The following GRXCR1 variants were observed in gnomAD, a reference collection of about 807,000 sequenced individuals.
GRXCR1 encodes glutaredoxin domain-containing cysteine-rich protein 1.
GRXCR1 carries 27 observed loss-of-function variants against 27.3 expected under a neutral mutation model. The ratio of observed to expected loss-of-function variants is 0.99; its 90% confidence interval spans 0.73 to 1.37. GRXCR1 has a LOEUF of 1.37. Ranked by LOEUF, GRXCR1 falls within the 40% of genes most tolerant of loss-of-function variation. The probability of loss-of-function intolerance (pLI) is 0.00; values close to 1 mark genes in which losing one functional copy is unlikely to be tolerated. For synonymous variants in GRXCR1, 122 were observed against 131.1 expected, an observed-to-expected ratio of 0.93 and a Z score of 0.47; for missense variants, 379 against 354.4, an observed-to-expected ratio of 1.07 and a Z score of -0.56.
Position 43,016,673 on chromosome 4 carries a change from T to G in GRXCR1, c.628-3681T>G, listed in dbSNP as rs191018537. ...TGTGTGTGTGCATGTGTGGCTTTTT[T>G]GCTTATTGTATAGCTTTAACACAGC... On this transcript the variant is annotated intron_variant, in intron 2 of 3. Transcript: ENST00000399770. Among the ~76,000 whole-genome samples, 108 of 152,038 alleles carry G rather than the reference T, an allele frequency of 7.1e-4. 1 individual carries two copies. The highest frequency in any genetic ancestry group is 2.5e-3 in the African/African-American group (102 of 41,494).
At chr4:42,931,061 T>TA (rs562031731) in intron 1 of GRXCR1, among the ~76,000 whole-genome samples, 107 of 148,622 alleles carry the variant, frequency 7.2e-4, no homozygotes, top group African/African-American at 2.6e-3. Context: ...AAATAAAGCT[T>TA]TTTTTTTTCC....
intron 2 of GRXCR1, among the ~76,000 whole-genome samples, chr4:43,019,642 T>C (rs1713037270): frequency 6.6e-6 from 1 of 152,158 alleles, no homozygotes; most frequent in South Asian, 2.1e-4. Context: ...AATGGAGTAG[T>C]TCGAAGAAAC....
chr4:42,969,078 G>T (rs1748319422), intron 2 of GRXCR1, among the ~76,000 whole-genome samples: 1 of 152,100 alleles, frequency 6.6e-6, no homozygotes, highest in African/African-American at 2.4e-5. Flanking sequence ...AAGGGCTGCA[G>T]AGATGGTGGG....
chr4:42,967,139 C>A (rs1748263963), intron 2 of GRXCR1, among the ~76,000 whole-genome samples: 1 of 152,080 alleles, frequency 6.6e-6, no homozygotes, highest in African/African-American at 2.4e-5. Flanking sequence ...CCTAGATCAT[C>A]TAGATTTGCT....
At chr4:42,982,270 T>G (rs547581361) in intron 2 of GRXCR1, among the ~76,000 whole-genome samples, 1 of 145,400 alleles carries the variant, frequency 6.9e-6, no homozygotes, top group African/African-American at 2.5e-5. Context: ...GTGATCTCAT[T>G]GTTCAATTCC....
intron 1 of GRXCR1, among the ~76,000 whole-genome samples, chr4:42,932,611 T>TAGAGAGAG (rs1747349161): frequency 2.2e-5 from 1 of 45,648 alleles, no homozygotes; most frequent in African/African-American, 7.3e-5. Flanking sequence ...TATATATATA[T>TAGAGAGAG]ATATATATAG....
intron 2 of GRXCR1, among the ~76,000 whole-genome samples, chr4:43,013,951 A>G (rs9968258): frequency 0.02 from 2,974 of 152,114 alleles, 99 homozygotes; most frequent in African/African-American, 0.068. Flanking sequence ...ATTGTTCTTT[A>G]CAATTATGCT....
chr4:42,916,923 C>T (rs1046934601), intron 1 of GRXCR1, among the ~76,000 whole-genome samples: 5 of 151,988 alleles, frequency 3.3e-5, no homozygotes, highest in Admixed American at 2.6e-4. Context: ...TAAGGAAGAA[C>T]CTTATGTAAG....
At chr4:42,927,536 T>C (rs1289785591) in intron 1 of GRXCR1, among the ~76,000 whole-genome samples, 1 of 151,914 alleles carries the variant, frequency 6.6e-6, no homozygotes, top group African/African-American at 2.4e-5. Flanking sequence ...CTTAAAGAAG[T>C]AAAAAGGTGT....
At position 42,913,270 on chromosome 4, in the gene GRXCR1, C is replaced by A. The variant is rs143447279; in HGVS notation, c.384+19620C>A. Among the ~76,000 whole-genome samples, 207 of 152,232 alleles carry A rather than the reference C, an allele frequency of 1.4e-3. 1 individual carries two copies. Among genetic ancestry groups the A allele is most frequent in the African/African-American group, 4.6e-3 (193 of 41,552 alleles). ...ACACTTTGGAGGGCTCAGAAGAAGA[C>A]AGGAAGATGTAGGAAAGTTTGGAAC... On this transcript the variant is annotated intron_variant, in intron 1 of 3. Transcript: ENST00000399770.
intron 2 of GRXCR1, among the ~76,000 whole-genome samples, chr4:42,985,517 A>G (rs1368840562): frequency 2.6e-5 from 4 of 152,132 alleles, no homozygotes; most frequent in Admixed American, 2.6e-4. Flanking sequence ...TGCAGTCAGT[A>G]TCTTAGTAAA....
intron 1 of GRXCR1, among the ~76,000 whole-genome samples, chr4:42,934,953 T>A (rs1380236652): frequency 6.6e-6 from 1 of 151,922 alleles, no homozygotes; most frequent in Non-Finnish European, 1.5e-5. Context: ...AGTCTGGAAT[T>A]GGGATTTTGG....
In GRXCR1 at chr4:42,977,217, A is replaced by G. The variant is rs1748546474; in HGVS notation, c.627+14083A>G. Among the ~76,000 whole-genome samples, 3 of 151,922 alleles carry G rather than the reference A, an allele frequency of 2.0e-5. No homozygotes were observed. In the South Asian group the frequency reaches 6.2e-4, roughly 31 times the overall value. On this transcript the variant is annotated intron_variant, in intron 2 of 3. Coordinates refer to ENST00000399770, the MANE Select transcript of GRXCR1 (RefSeq NM_001080476.3). ...TTCACATTTTTTTATCCATTTATCC[A>G]CTGATGGACACTTAGATTGATTCTG...
At chr4:43,015,765 T>C (rs1712911845) in intron 2 of GRXCR1, among the ~76,000 whole-genome samples, 1 of 151,242 alleles carries the variant, frequency 6.6e-6, no homozygotes, top group Non-Finnish European at 1.5e-5. Flanking sequence ...TAAATTAAAA[T>C]AAATAAAACT....
rs377420889 is a variant in GRXCR1 at position 42,980,452 on chromosome 4, A to C, written c.627+17318A>C. ...TTTCCTGTTTTTGTAAATTTTTTGA[A>C]GTTTCTCCTGTTATTGGTTTCTAAT... On this transcript the variant is annotated intron_variant, in intron 2 of 3. Transcript: ENST00000399770. Among the ~76,000 whole-genome samples the C allele has an allele frequency of 2.6e-5, 4 of 151,916 alleles. No homozygotes were observed. In the East Asian group the frequency reaches 7.7e-4, roughly 29 times the overall value.
At chr4:42,950,223 C>G (rs920289802) in intron 1 of GRXCR1, among the ~76,000 whole-genome samples, 1 of 152,148 alleles carries the variant, frequency 6.6e-6, no homozygotes, top group African/African-American at 2.4e-5. Flanking sequence ...ATGCGGGGCT[C>G]TCTAGCCACT....
At chr4:42,963,196 T>G in intron 2 of GRXCR1, 62 bp downstream of exon 2, 1 of 1,572,870 alleles carries the variant, frequency 6.4e-7, no homozygotes, top group East Asian at 2.2e-5. Context: ...TAGAAATCTA[T>G]AACCATCTAT....
intron 1 of GRXCR1, among the ~76,000 whole-genome samples, chr4:42,939,458 T>G (rs1270827253): frequency 1.3e-5 from 2 of 152,074 alleles, no homozygotes; most frequent in African/African-American, 4.8e-5. Context: ...CAAGGATAAT[T>G]TGACTTCCTC....
intron 2 of GRXCR1, among the ~76,000 whole-genome samples, chr4:43,004,923 G>T (rs1712506415): frequency 6.6e-6 from 1 of 152,172 alleles, no homozygotes; most frequent in South Asian, 2.1e-4. Context: ...ATTTTGAAAT[G>T]TGAGAAGGAC....
Sources: allele counts gnomAD v4.1 joint callset (sites outside exome capture counted in the v4.1 genomes callset), GRCh38; gene constraint gnomAD v4.1.1; transcripts MANE v1.5; gene names NCBI Gene and HGNC (gene_info 2026-07-23, HGNC 2026-07-21).